ANKRD30A: variants seen among roughly 807,000 people sequenced by gnomAD.
ANKRD30A encodes ankyrin repeat domain-containing protein 30A.
In ANKRD30A, 170 loss-of-function variants were observed where a neutral mutation model predicts 166.3. That is an observed-to-expected ratio of 1.02 (90% CI 0.90 to 1.16). The LOEUF is 1.16. Among genes scored for constraint, ANKRD30A ranks in the 50% most tolerant of loss-of-function variants. The probability of loss-of-function intolerance (pLI) is 0.00; values close to 1 mark genes in which losing one functional copy is unlikely to be tolerated. For missense variants in ANKRD30A, 1,630 were observed against 1,518.0 expected, an observed-to-expected ratio of 1.07 and a Z score of -1.23; for synonymous variants, 564 against 508.9, an observed-to-expected ratio of 1.11 and a Z score of -1.46.
intron 31 of ANKRD30A, among the ~76,000 whole-genome samples, chr10:37,211,977 T>C (rs1319962961): frequency 1.3e-5 from 2 of 151,466 alleles, no homozygotes; most frequent in Non-Finnish European, 3.0e-5. Context: ...TTTTTGATGG[T>C]TCACCACTCC....
At position 37,152,948 on chromosome 10, in the gene ANKRD30A, G is replaced by A. The variant is rs542623485; in HGVS notation, c.1708-624G>A. Among the ~76,000 whole-genome samples the A allele has an allele frequency of 2.0e-5, 3 of 152,232 alleles. No homozygotes were observed. The East Asian group carries it at 5.8e-4, about 29-fold the overall frequency. ...AACACTTGTTTGCTTTCATTTAGATGTGACGTAATTTTTTTCTTACTGCAT... is the reference window on the plus strand; with the variant it reads ...AACACTTGTTTGCTTTCATTTAGATATGACGTAATTTTTTTCTTACTGCAT... On this transcript the variant is annotated intron_variant, in intron 12 of 35. Coordinates refer to ENST00000361713, the MANE Select transcript of ANKRD30A (RefSeq NM_052997.3).
At chr10:37,137,396 G>A (rs539064869) in intron 6 of ANKRD30A, among the ~76,000 whole-genome samples, 10 of 152,262 alleles carry the variant, frequency 6.6e-5, no homozygotes, top group East Asian at 5.8e-4. Flanking sequence ...TGGGTGCAGC[G>A]CACTGAGCAT....
chr10:37,172,400 GAGA>G lies in ANKRD30A; in HGVS notation c.2258-1301_2258-1299del, dbSNP rs1320717497. The stretch of plus-strand genomic sequence containing the variant: ...TTATTTCTGGGTATGCTTTTAGCCA[GAGA>G]AGAAGAAGAAAAAGATAAACAGAAA... On this transcript the variant is annotated intron_variant, in intron 21 of 35. Transcript: ENST00000361713. Among the ~76,000 whole-genome samples, 11 of 122,394 alleles carry G rather than the reference GAGA, an allele frequency of 9.0e-5. 1 individual carries two copies. The East Asian group carries it at 2.0e-3, about 22-fold the overall frequency. 80.3% of individuals were successfully genotyped at this position (122,394 alleles called of 152,430 possible).
In ANKRD30A at chr10:37,127,657, T is replaced by C. The variant is rs148358899; in HGVS notation, c.221+1649T>C. 1.2e-3 allele frequency among the ~76,000 whole-genome samples: 187 copies of C among 152,260 alleles called. 1 individual carries two copies. The highest frequency in any genetic ancestry group is 2.4e-3 in the Non-Finnish European group (160 of 67,980). Reference sequence around the variant, plus strand: ...TCTAAAAATTGGGCAAAGTCCTTTTTTAAGATCTGCAACTGACCTATGCAC... The same window carrying C: ...TCTAAAAATTGGGCAAAGTCCTTTTCTAAGATCTGCAACTGACCTATGCAC... On this transcript the variant is annotated intron_variant, in intron 1 of 35. Coordinates refer to ENST00000361713, the MANE Select transcript of ANKRD30A (RefSeq NM_052997.3).
At position 37,130,295 on chromosome 10, in the gene ANKRD30A, C is replaced by T. The variant is rs1277479429; in HGVS notation, c.427C>T (p.Leu143Phe). ...NLVDVYGNTA[L>F]HYAVYSEILS... Reference sequence around the variant, plus strand: ...CGTAGATGTGTATGGCAACACGGCTCTCCATTATGCTGTTTATAGTGAGAT... The same window carrying T: ...CGTAGATGTGTATGGCAACACGGCTTTCCATTATGCTGTTTATAGTGAGAT... The change falls in exon 3 of 36, where the codon CTC becomes TTC. Residue 143 changes from leucine to phenylalanine, a missense_variant. Leu to Phe is a conservative substitution (Grantham distance 22, BLOSUM62 0). Transcript: ENST00000361713. 1.2e-6 allele frequency: 2 copies of T among 1,604,624 alleles called. No homozygotes were observed. The highest frequency in any genetic ancestry group is 1.4e-5 in the African/African-American group (1 of 74,070).
rs117247691 is a variant in ANKRD30A at position 37,151,414 on chromosome 10, A to C, written c.1646-646A>C. ...CCAAGGTGTCACAAACTGACTCTGA[A>C]GATATTGTTGCATTAGGGAAGAAGT... On this transcript the variant is annotated intron_variant, in intron 11 of 35. Coordinates refer to ENST00000361713, the MANE Select transcript of ANKRD30A (RefSeq NM_052997.3). Among the ~76,000 whole-genome samples, 6 of 152,216 alleles carry C rather than the reference A, an allele frequency of 3.9e-5. No individual in the cohort carries two copies. In the East Asian group the frequency reaches 1.2e-3, roughly 29 times the overall value.
At chr10:37,232,086 CT>C (rs936423336) in intron 35 of ANKRD30A, among the ~76,000 whole-genome samples, 2 of 151,968 alleles carry the variant, frequency 1.3e-5, no homozygotes, top group Non-Finnish European at 2.9e-5. Context: ...TTTTGCACCC[CT>C]AATCAGAAGT....
intron 18 of ANKRD30A, among the ~76,000 whole-genome samples, chr10:37,166,383 A>T (rs1416594849): frequency 6.6e-6 from 1 of 152,176 alleles, no homozygotes; most frequent in Non-Finnish European, 1.5e-5. Flanking sequence ...TCAGTCACCG[A>T]GTTAATGGCC....
the ANKRD30A span, chr10:37,262,483 T>C: frequency 6.3e-6 from 1 of 158,064 alleles, no homozygotes; most frequent in Non-Finnish European, 1.4e-5. Context: ...CTTTCCACAG[T>C]ATGTTCTTGT....
intron 34 of ANKRD30A, among the ~76,000 whole-genome samples, chr10:37,227,775 G>C (rs1011823051): frequency 1.3e-5 from 2 of 151,684 alleles, no homozygotes; most frequent in African/African-American, 4.8e-5. Context: ...ATCAAATCTT[G>C]GTCACATCAT....
chr10:37,155,314 G>A (rs564344193), intron 13 of ANKRD30A, among the ~76,000 whole-genome samples: 3 of 152,170 alleles, frequency 2.0e-5, no homozygotes, highest in African/African-American at 7.2e-5. Context: ...GGCTAAGCTG[G>A]AAATTACAAA....
At chr10:37,179,023 T>C (rs1368457092) in intron 24 of ANKRD30A, among the ~76,000 whole-genome samples, 1 of 18,150 alleles carries the variant, frequency 5.5e-5, no homozygotes, top group African/African-American at 1.5e-4. Context: ...AATATATATA[T>C]ATATATATAT....
At chr10:37,157,639 C>T (rs934480615) in intron 13 of ANKRD30A, among the ~76,000 whole-genome samples, 3 of 152,124 alleles carry the variant, frequency 2.0e-5, no homozygotes, top group African/African-American at 7.2e-5. Flanking sequence ...TTCCAAATTG[C>T]TGGAATTACA....
chr10:37,204,325 C>T (rs978362862), intron 31 of ANKRD30A, among the ~76,000 whole-genome samples: 6 of 151,820 alleles, frequency 4.0e-5, no homozygotes, highest in Admixed American at 1.3e-4. Context: ...ACATCTACAA[C>T]CATCTGATCT....
At position 37,132,378 on chromosome 10, in the gene ANKRD30A, T is replaced by C. The variant is rs1220945736; in HGVS notation, c.617+32T>C. 2.3e-6 allele frequency: 3 copies of C among 1,327,600 alleles called. No individual in the cohort carries two copies. In the East Asian group the frequency reaches 7.2e-5, roughly 32 times the overall value. 82.2% of individuals were successfully genotyped at this position (1,327,600 alleles called of 1,614,324 possible). Reference sequence around the variant, plus strand: ...TAGTTCTTTTTTTATTAAAAAACACTTGAGTAGTGTTCTAGAGTAATAACA... The same window carrying C: ...TAGTTCTTTTTTTATTAAAAAACACCTGAGTAGTGTTCTAGAGTAATAACA... On this transcript the variant is annotated intron_variant, in intron 4 of 35. Transcript: ENST00000361713.
intron 31 of ANKRD30A, among the ~76,000 whole-genome samples, chr10:37,212,424 C>T (rs1466141510): frequency 6.6e-6 from 1 of 151,962 alleles, no homozygotes; most frequent in African/African-American, 2.4e-5. Flanking sequence ...GAATCAATGT[C>T]GTAAAAATGG....
chr10:37,200,951 T>TA (rs1349361060), intron 30 of ANKRD30A, among the ~76,000 whole-genome samples: 1 of 152,038 alleles, frequency 6.6e-6, no homozygotes, highest in Non-Finnish European at 1.5e-5. Context: ...TTAAGAGAGA[T>TA]ACGTTTTGAA....
At chr10:37,201,184 C>T in intron 30 of ANKRD30A, 51 bp from the exon 31 acceptor site, 1 of 1,364,250 alleles carries the variant, frequency 7.3e-7, no homozygotes, top group Non-Finnish European at 9.9e-7. Flanking sequence ...TGATAATCTT[C>T]ATTATTAGGA....
intron 6 of ANKRD30A, among the ~76,000 whole-genome samples, chr10:37,137,949 C>G (rs1284778634): frequency 6.6e-6 from 1 of 152,218 alleles, no homozygotes; most frequent in Non-Finnish European, 1.5e-5. Context: ...GTCCCAGACC[C>G]TCGAGTAGCC....
Sources: allele counts gnomAD v4.1 joint callset (sites outside exome capture counted in the v4.1 genomes callset), GRCh38; gene constraint gnomAD v4.1.1; transcripts MANE v1.5; gene names NCBI Gene and HGNC (gene_info 2026-07-23, HGNC 2026-07-21).